CEP85: variants seen among roughly 807,000 people sequenced by gnomAD.
The protein encoded by CEP85 is centrosomal protein of 85 kDa.
Under a neutral mutation model 93.7 loss-of-function variants are expected in CEP85, and 58 were observed. The observed-to-expected ratio is 0.62, with a 90% CI of 0.50 to 0.77. The LOEUF is 0.77. Ranked by LOEUF, CEP85 falls within the 30% of genes least tolerant of loss-of-function variation. The pLI is 0.00. For missense variants in CEP85, 868 were observed against 922.0 expected (o/e 0.94, Z 0.76); for synonymous variants, 314 against 338.6 (o/e 0.93, Z 0.80).
intron 3 of CEP85, among the ~76,000 whole-genome samples, chr1:26,244,837 T>C (rs982575370): frequency 2.0e-5 from 3 of 152,090 alleles, no homozygotes; most frequent in Admixed American, 6.5e-5. Flanking sequence ...AACAACTTTC[T>C]GATAGGTTAA....
At chr1:26,252,462 G>A (rs2089634128) in intron 3 of CEP85, among the ~76,000 whole-genome samples, 1 of 152,172 alleles carries the variant, frequency 6.6e-6, no homozygotes, top group Admixed American at 6.5e-5. Flanking sequence ...AACCCAGGAG[G>A]AGGAGGTTGT....
intron 2 of CEP85, among the ~76,000 whole-genome samples, chr1:26,242,120 A>C (rs1233946257): frequency 6.6e-6 from 1 of 152,210 alleles, no homozygotes; most frequent in Non-Finnish European, 1.5e-5. Context: ...AATATACCAA[A>C]ATATATTTTT....
Position 26,239,833 on chromosome 1 carries a change from C to A in CEP85, c.50C>A (p.Ser17Ter), listed in dbSNP as rs1426378283. The change falls in exon 2 of 14, where the codon TCA (serine) becomes TAA (stop). Residue 17 changes from serine to a stop codon, truncating the protein, a stop_gained. Transcript: ENST00000451429. LOFTEE classifies it high-confidence loss of function. The stretch of plus-strand genomic sequence containing the variant: ...ACTGAGGGGATCTCTCACGTCACTT[C>A]ACCGAGTGAGTAGTCAGAAGTTTTC... ...YPTEGISHVTSPSSDVIQKGS... is the reference protein window; with the variant it reads ...YPTEGISHVT 1 of 1,611,590 alleles carries A rather than the reference C, an allele frequency of 6.2e-7. No homozygotes were observed. Among genetic ancestry groups the A allele is most frequent in the South Asian group, 1.1e-5 (1 of 91,038 alleles).
At chr1:26,274,876 A>G (rs2090029956) in intron 11 of CEP85, 88 bp from the exon 12 acceptor site, 2 of 1,011,330 alleles carry the variant, frequency 2.0e-6, no homozygotes, top group East Asian at 2.6e-5. Context: ...GTGAGTCGTC[A>G]CTATATAGTC....
At chr1:26,254,262 C>T (rs1031653117) in intron 3 of CEP85, among the ~76,000 whole-genome samples, 1 of 152,148 alleles carries the variant, frequency 6.6e-6, no homozygotes, top group East Asian at 1.9e-4. Context: ...TATGTTACCT[C>T]ACATTCCTCC....
At chr1:26,248,774 T>C (rs1465802047) in intron 3 of CEP85, among the ~76,000 whole-genome samples, 1 of 127,354 alleles carries the variant, frequency 7.9e-6, no homozygotes, top group Non-Finnish European at 1.6e-5. Flanking sequence ...TTGCCCAGGC[T>C]GGAGTGCAGT....
Position 26,255,706 on chromosome 1 carries a change from C to T in CEP85, c.744C>T (p.Leu248=), listed in dbSNP as rs759453442. The part of the protein sequence containing the change: ...NGPHSNSSGV[L]PLGLQPAPGL... ...CACATTCTAATAGCAGTGGGGTCCT[C>T]CCTTTGGGACTCCAGCCTGCTCCCG... The change falls in exon 4 of 14, where the codon CTC becomes CTT. Residue 248 remains leucine, a synonymous_variant. Transcript: ENST00000451429. 2 of 1,614,094 alleles carry T rather than the reference C, an allele frequency of 1.2e-6. No individual in the cohort carries two copies. Among genetic ancestry groups the T allele is most frequent in the South Asian group, 1.1e-5 (1 of 91,072 alleles).
chr1:26,274,861 G>A (rs2090029739), intron 11 of CEP85, 103 bp from the exon 12 acceptor site: 1 of 811,410 alleles, frequency 1.2e-6, no homozygotes, highest in East Asian at 2.7e-5. Context: ...GAGGGTGTAG[G>A]TAGGGTGAGT....
chr1:26,268,045 T>G (rs571252449), intron 7 of CEP85, among the ~76,000 whole-genome samples: 1 of 152,356 alleles, frequency 6.6e-6, no homozygotes, highest in Admixed American at 6.5e-5. Context: ...TCTCCGTCCT[T>G]GATTTGAAAG....
chr1:26,268,473 A>C lies in CEP85; in HGVS notation c.1342-10A>C, dbSNP rs2089924423. ...AATGGTGGAGACAGACTTGACATTT[A>C]TTTTCCTAGGTCAAAGGTCGTGATA... is the stretch of plus-strand genomic sequence containing the variant. On this transcript the variant is annotated splice_polypyrimidine_tract_variant and intron_variant, in intron 7 of 13. Coordinates refer to ENST00000451429, the MANE Select transcript of CEP85 (RefSeq NM_001319944.2). 1.2e-6 allele frequency: 2 copies of C among 1,614,040 alleles called. No homozygotes were observed. Among genetic ancestry groups the C allele is most frequent in the Non-Finnish European group, 1.7e-6 (2 of 1,179,954 alleles).
Position 26,257,591 on chromosome 1 carries a change from T to A in CEP85, c.904-6T>A, listed in dbSNP as rs767985358. ...TCAAGCTCATCTGGGCCTACTTGCC[T>A]TTCAGCTTCAGAATGGAGCCATCTG... On this transcript the variant is annotated splice_polypyrimidine_tract_variant and splice_region_variant and intron_variant, in intron 4 of 13. Coordinates refer to ENST00000451429, the MANE Select transcript of CEP85 (RefSeq NM_001319944.2). 7.6e-5 allele frequency: 123 copies of A among 1,613,904 alleles called. No individual in the cohort carries two copies. Among genetic ancestry groups the A allele is most frequent in the Non-Finnish European group, 9.8e-5 (116 of 1,179,982 alleles).
chr1:26,270,699 T>TA (rs2089961101), intron 9 of CEP85, among the ~76,000 whole-genome samples: 1 of 152,242 alleles, frequency 6.6e-6, no homozygotes, highest in Non-Finnish European at 1.5e-5. Context: ...TTCTACAATG[T>TA]ACATGTATGA....
At chr1:26,266,260 C>T (rs765812599) in intron 7 of CEP85, among the ~76,000 whole-genome samples, 1 of 152,022 alleles carries the variant, frequency 6.6e-6, no homozygotes. Context: ...TGGTGGTACA[C>T]GCTTGTAGTC....
chr1:26,243,275 A>G (rs2089456730), intron 2 of CEP85, among the ~76,000 whole-genome samples: 1 of 151,788 alleles, frequency 6.6e-6, no homozygotes, highest in African/African-American at 2.4e-5. Context: ...ATCATTTGGA[A>G]CTATATGGTT....
intron 1 of CEP85, among the ~76,000 whole-genome samples, chr1:26,238,401 A>AT (rs978833952): frequency 6.6e-6 from 1 of 151,740 alleles, no homozygotes; most frequent in African/African-American, 2.4e-5. Context: ...GGGTTTCACC[A>AT]TGTTGGCTGG....
At chr1:26,257,930 C>T (rs1262945744) in intron 5 of CEP85, among the ~76,000 whole-genome samples, 200 bp downstream of exon 5, 1 of 152,142 alleles carries the variant, frequency 6.6e-6, no homozygotes, top group African/African-American at 2.4e-5. Context: ...TCTTTAGGGG[C>T]TCTAGGGAGT....
intron 2 of CEP85, among the ~76,000 whole-genome samples, chr1:26,242,794 T>TTTTG (rs10655802): frequency 0.86 from 129,718 of 151,448 alleles, 56,527 homozygotes; most frequent in Non-Finnish European, 0.93. Context: ...CCATTAGTTT[T>TTTTG]TTTGTTTGTT....
intron 6 of CEP85, 149 bp downstream of exon 6, chr1:26,258,409 C>T (rs945005230): frequency 6.8e-5 from 43 of 636,042 alleles, no homozygotes; most frequent in East Asian, 1.8e-4. Flanking sequence ...TTATAAAGCA[C>T]CCTTTATCAT....
Position 26,258,225 on chromosome 1 carries a change from G to C in CEP85, c.1120G>C (p.Ala374Pro), listed in dbSNP as rs771611094. The change falls in exon 6 of 14, where the codon GCC becomes CCC. Residue 374 changes from alanine to proline, a missense_variant. Transcript: ENST00000451429. ...QVHSALLGRP[A>P]PFGDVCLLRL... ...CCACAGTGCCCTCTTGGGCCGCCCT[G>C]CCCCCTTTGGTGATGTCTGCTTGCT... The C allele has an allele frequency of 6.2e-6, 10 of 1,613,918 alleles. No homozygotes were observed. The South Asian group carries it at 1.1e-4, about 18-fold the overall frequency.
Sources: gnomAD v4.1 joint callset for allele counts (sites outside exome capture counted in the v4.1 genomes callset) on GRCh38, gnomAD v4.1.1 for gene constraint, MANE v1.5 for transcripts, NCBI Gene and HGNC (gene_info 2026-07-23, HGNC 2026-07-21) for gene names.